ADAM12: variants seen among roughly 807,000 people sequenced by gnomAD.
ADAM12 encodes the protein ADAM metallopeptidase domain 12.
In ADAM12, 70 loss-of-function variants were observed where a neutral mutation model predicts 106.4. That is an observed-to-expected ratio of 0.66 (90% CI 0.54 to 0.80). The LOEUF (loss-of-function observed/expected upper bound fraction) is 0.80. Ranked by LOEUF, ADAM12 falls within the 30% of genes least tolerant of loss-of-function variation. The pLI is 0.00. For missense variants in ADAM12, 1,010 were observed against 1,171.9 expected (o/e 0.86, Z 2.02); for synonymous variants, 420 against 433.5 (o/e 0.97, Z 0.39).
intron 14 of ADAM12, among the ~76,000 whole-genome samples, chr10:126,050,249 C>A (rs1026547829): frequency 1.3e-5 from 2 of 152,172 alleles, no homozygotes; most frequent in Non-Finnish European, 2.9e-5. Flanking sequence ...GAGTCATAAA[C>A]CCTGGTAATC....
At chr10:126,193,939 AAAAT>A (rs1408098027) in intron 3 of ADAM12, among the ~76,000 whole-genome samples, 1 of 140,746 alleles carries the variant, frequency 7.1e-6, no homozygotes, top group Non-Finnish European at 1.5e-5. Context: ...AAAATAAAAT[AAAAT>A]AAACATGTGA....
intron 2 of ADAM12, 65 bp from the exon 3 acceptor site, chr10:126,279,053 A>G: frequency 8.0e-7 from 1 of 1,242,888 alleles, no homozygotes; most frequent in Non-Finnish European, 1.2e-6. Context: ...TAGCTGAATA[A>G]GACCCACAGG....
rs200808499 is a variant in ADAM12, at chr10:126,354,550, G to A, written c.89-24041C>T. On this transcript the variant is annotated intron_variant, in intron 1 of 22. Transcript: ENST00000448723. ...ATTATGTAATTGTTTATGTTTCATA[G>A]TCCTTACTGACAATTGTACATGCAA... 3.9e-5 allele frequency among the ~76,000 whole-genome samples: 6 copies of A among 152,262 alleles called. No homozygotes were observed. The East Asian group carries it at 1.2e-3, about 29-fold the overall frequency.
intron 3 of ADAM12, among the ~76,000 whole-genome samples, chr10:126,212,224 A>C (rs1029285705): frequency 6.6e-6 from 1 of 152,194 alleles, no homozygotes; most frequent in African/African-American, 2.4e-5. Flanking sequence ...ACTCCAAAAA[A>C]AGTTTCATCT....
At chr10:126,373,177 A>G (rs1322414530) in intron 1 of ADAM12, among the ~76,000 whole-genome samples, 6 of 152,208 alleles carry the variant, frequency 3.9e-5, no homozygotes, top group African/African-American at 1.4e-4. Flanking sequence ...TTTGTATACT[A>G]GAATGTTTAA....
At chr10:126,125,665 TC>T (rs1033530056) in intron 5 of ADAM12, among the ~76,000 whole-genome samples, 113 of 151,440 alleles carry the variant, frequency 7.5e-4, no homozygotes, top group African/African-American at 2.6e-3. Context: ...TTGAATAGTG[TC>T]CCCCCCAGCC....
At chr10:126,324,327 C>T (rs1854214881) in intron 2 of ADAM12, among the ~76,000 whole-genome samples, 2 of 152,144 alleles carry the variant, frequency 1.3e-5, no homozygotes, top group Admixed American at 1.3e-4. Context: ...GACATGGGGA[C>T]AGAACATAGT....
At chr10:126,250,242 A>C (rs1958718717) in intron 3 of ADAM12, among the ~76,000 whole-genome samples, 1 of 152,184 alleles carries the variant, frequency 6.6e-6, no homozygotes. Context: ...ATCCCTCCAG[A>C]GCTGACACTC....
At chr10:126,267,825 G>T (rs556200181) in intron 3 of ADAM12, among the ~76,000 whole-genome samples, 1 of 150,422 alleles carries the variant, frequency 6.6e-6, no homozygotes, top group South Asian at 2.1e-4. Flanking sequence ...GGTGGGGGGC[G>T]GTGGGGGTGG....
intron 2 of ADAM12, among the ~76,000 whole-genome samples, chr10:126,324,379 C>A (rs1854217191): frequency 6.6e-6 from 1 of 152,186 alleles, no homozygotes; most frequent in South Asian, 2.1e-4. Flanking sequence ...AGGCAACTGG[C>A]TGCCCTGACA....
At chr10:126,158,632 G>T (rs546067778) in intron 3 of ADAM12, among the ~76,000 whole-genome samples, 3 of 144,418 alleles carry the variant, frequency 2.1e-5, no homozygotes, top group Admixed American at 1.4e-4. Context: ...AGCATGGGGC[G>T]GGGATGCACA....
At chr10:126,117,597 C>T (rs1417074319) in intron 6 of ADAM12, among the ~76,000 whole-genome samples, 1 of 151,972 alleles carries the variant, frequency 6.6e-6, no homozygotes, top group Non-Finnish European at 1.5e-5. Context: ...ATAAGGAAGG[C>T]TCTATGTAGT....
chr10:126,234,656 T>A (rs561340889), intron 3 of ADAM12, among the ~76,000 whole-genome samples: 1 of 152,206 alleles, frequency 6.6e-6, no homozygotes, highest in East Asian at 1.9e-4. Flanking sequence ...CCTGACAGTG[T>A]CCACCTATGT....
chr10:126,227,345 C>T (rs1227801231), intron 3 of ADAM12, among the ~76,000 whole-genome samples: 4 of 152,130 alleles, frequency 2.6e-5, no homozygotes, highest in Admixed American at 1.3e-4. Flanking sequence ...ACCACATCAC[C>T]GCTGTTATCA....
intron 5 of ADAM12, among the ~76,000 whole-genome samples, chr10:126,126,232 C>A (rs557870299): frequency 6.6e-6 from 1 of 152,052 alleles, no homozygotes; most frequent in South Asian, 2.1e-4. Context: ...TTCAGGGTCA[C>A]GCACAGCACT....
chr10:126,109,814 A>C lies in ADAM12; in HGVS notation c.630T>G (p.Thr210=), dbSNP rs1173143610. The C allele has an allele frequency of 6.8e-6, 11 of 1,613,022 alleles. No homozygotes were observed. Among genetic ancestry groups the C allele is most frequent in the Non-Finnish European group, 6.8e-6 (8 of 1,179,824 alleles). ...CCACGATCACCAGCTCCACATACTT[A>C]GTTGCCTTGAGGGTCTCTCTTTTAT... ...RRHKRETLKA[T]KYVELVIVAD... is the part of the protein sequence containing the mutation. Residue 210 remains threonine, a synonymous_variant, in exon 7 of 23, where the codon ACT becomes ACG. Coordinates refer to ENST00000448723, the MANE Select transcript of ADAM12 (RefSeq NM_001288973.2).
chr10:126,149,605 C>T (rs1052539976), intron 4 of ADAM12, among the ~76,000 whole-genome samples: 11 of 152,270 alleles, frequency 7.2e-5, no homozygotes, highest in African/African-American at 2.2e-4. Context: ...CAGCTGCCAG[C>T]GCGGCTAGAA....
chr10:126,069,253 T>C (rs1954934744), intron 12 of ADAM12, among the ~76,000 whole-genome samples: 1 of 152,202 alleles, frequency 6.6e-6, no homozygotes, highest in African/African-American at 2.4e-5. Flanking sequence ...TTTCTAATAA[T>C]AACTACTTGA....
At chr10:126,218,784 C>A (rs777725101) in intron 3 of ADAM12, among the ~76,000 whole-genome samples, 2 of 152,158 alleles carry the variant, frequency 1.3e-5, no homozygotes, top group Non-Finnish European at 2.9e-5. Flanking sequence ...ACTGTTCTAC[C>A]CCAGTTCTCA....
Sources: gnomAD v4.1 joint callset for allele counts (sites outside exome capture counted in the v4.1 genomes callset) on GRCh38, gnomAD v4.1.1 for gene constraint, MANE v1.5 for transcripts, NCBI Gene and HGNC (gene_info 2026-07-23, HGNC 2026-07-21) for gene names.